MKI67: variants seen among roughly 807,000 people sequenced by gnomAD.
MKI67 encodes marker of proliferation Ki-67, also known as proliferation marker protein Ki-67.
MKI67 carries 152 observed loss-of-function variants against 233.5 expected under a neutral mutation model. That is an observed-to-expected ratio of 0.65 (90% CI 0.57 to 0.74). MKI67 has a LOEUF of 0.74. Ranked by LOEUF, MKI67 falls within the 30% of genes least tolerant of loss-of-function variation. The probability of loss-of-function intolerance (pLI) is 0.00; values close to 1 mark genes in which losing one functional copy is unlikely to be tolerated. For synonymous variants in MKI67, 1,465 were observed against 1,418.5 expected, an observed-to-expected ratio of 1.03 and a Z score of -0.74; for missense variants, 3,940 against 3,885.2, an observed-to-expected ratio of 1.01 and a Z score of -0.37.
In MKI67 at chr10:128,101,365, G is replaced by A. The variant is rs16912247; in HGVS notation, c.9598C>T (p.Leu3200=). ...GEAGNSDSMC[L]RSRKTKSQPA... Reference sequence around the variant, plus strand: ...TGGCTTTTTGTCTTTCTTGATCTCAGGCACATGGAGTCTGAATTTCCTGCT... The same window carrying A: ...TGGCTTTTTGTCTTTCTTGATCTCAAGCACATGGAGTCTGAATTTCCTGCT... Residue 3200 remains leucine, a synonymous_variant, in exon 14 of 15, where the codon CTG becomes TTG. Coordinates refer to ENST00000368654, the MANE Select transcript of MKI67 (RefSeq NM_002417.5). The A allele has an allele frequency of 0.087, 139,983 of 1,614,082 alleles. 6,784 individuals carry two copies. The highest frequency in any genetic ancestry group is 0.1 in the Non-Finnish European group (117,991 of 1,180,008).
At position 128,106,425 on chromosome 10, in the gene MKI67, T is replaced by C. The variant is rs1428196375; in HGVS notation, c.5415A>G (p.Lys1805=). ...CAGGTAAATTTCCTGGCTGGTCCAG[T>C]TTCTGCACTGGAGTTCCCAAAAACG... The part of the protein sequence containing the change: ...INTFLGTPVQ[K]LDQPGNLPGS... The change falls in exon 13 of 15, where the codon AAA becomes AAG. Residue 1805 remains lysine, a synonymous_variant. Transcript: ENST00000368654. 6.2e-7 allele frequency: 1 copy of C among 1,613,528 alleles called. No individual in the cohort carries two copies. Among genetic ancestry groups the C allele is most frequent in the East Asian group, 2.2e-5 (1 of 44,830 alleles).
chr10:128,116,428 C>T, intron 6 of MKI67, 63 bp downstream of exon 6: 4 of 1,452,996 alleles, frequency 2.8e-6, no homozygotes, highest in Non-Finnish European at 3.9e-6. Context: ...CCCTTCTTTG[C>T]CAATATGCTT....
In MKI67 at chr10:128,104,675, T is replaced by C; in HGVS notation, c.7165A>G (p.Thr2389Ala). ...TCATCACTTACTGCTGGTTTTGGTG[T>C]GTCCATGGCTTTGCCTGCTGATGGT... ...RTPSAGKAMDTPKPAVSDEKN... is the reference protein window; with the variant it reads ...RTPSAGKAMDAPKPAVSDEKN... Residue 2389 changes from threonine (T) to alanine (A), a missense_variant, in exon 13 of 15, where the codon ACA becomes GCA. Coordinates refer to ENST00000368654, the MANE Select transcript of MKI67 (RefSeq NM_002417.5). 3.7e-6 allele frequency: 6 copies of C among 1,614,032 alleles called. No homozygotes were observed. The highest frequency in any genetic ancestry group is 5.1e-6 in the Non-Finnish European group (6 of 1,180,022).
At chr10:128,109,521 G>T in intron 12 of MKI67, 98 bp from the exon 13 acceptor site, 1 of 1,337,876 alleles carries the variant, frequency 7.5e-7, no homozygotes, top group Non-Finnish European at 1.0e-6. Context: ...TAAATATTTA[G>T]CTTCGTATTC....
chr10:128,115,432 C>A lies in MKI67; in HGVS notation c.976G>T (p.Val326Phe), dbSNP rs760264031. ...CCCACAGCCTTGCTGGGAGTCTGAA[C>A]AGACTCCACGTCTCTTCCCTTCCCC... ...NKGKGRDVES[V>F]QTPSKAVGAS... The change falls in exon 7 of 15, where the codon GTT (valine) becomes TTT (phenylalanine). Residue 326 changes from valine (V) to phenylalanine (F), a missense_variant. Transcript: ENST00000368654. 1 of 1,613,984 alleles carries A rather than the reference C, an allele frequency of 6.2e-7. No homozygotes were observed. Among genetic ancestry groups the A allele is most frequent in the South Asian group, 1.1e-5 (1 of 91,058 alleles).
Position 128,115,145 on chromosome 10 carries a change from T to C in MKI67, c.1263A>G (p.Lys421=), listed in dbSNP as rs1401181244. The part of the protein sequence containing the change: ...SATKPENLSS[K]TRGSIPTDVE... ...CATCTGTAGGAATACTTCCTCTGGT[T>C]TTGGAAGAGAGATTTTCTGGCTTAG... The change falls in exon 7 of 15, where the codon AAA becomes AAG. Residue 421 remains lysine, a synonymous_variant. Transcript: ENST00000368654. 1.2e-6 allele frequency: 2 copies of C among 1,614,222 alleles called. No individual in the cohort carries two copies. Among genetic ancestry groups the C allele is most frequent in the East Asian group, 4.5e-5 (2 of 44,886 alleles).
In MKI67 at chr10:128,111,687, A is replaced by G; in HGVS notation, c.2218T>C (p.Phe740Leu). 1 of 1,613,430 alleles carries G rather than the reference A, an allele frequency of 6.2e-7. No individual in the cohort carries two copies. Among genetic ancestry groups the G allele is most frequent in the Non-Finnish European group, 8.5e-7 (1 of 1,179,846 alleles). ...AAGTCCATTTTTTGGTTGGAAATGA[A>G]GTTGTTGAGCACTCTGTAGGGTCGA... Reference protein sequence around the residue: ...PARPYRVLNNFISNQKMDFKE... With the variant: ...PARPYRVLNNLISNQKMDFKE... Residue 740 changes from phenylalanine to leucine, a missense_variant, in exon 11 of 15, where the codon TTC becomes CTC. Physicochemically the swap from Phe to Leu is conservative, Grantham distance 22. Coordinates refer to ENST00000368654, the MANE Select transcript of MKI67 (RefSeq NM_002417.5).
At position 128,108,232 on chromosome 10, in the gene MKI67, G is replaced by C; in HGVS notation, c.3608C>G (p.Thr1203Ser). ...TPVQKLDLAG[T>S]LPGSKRQLQT... Reference sequence around the variant, plus strand: ...TAGCTGTCTTTTGCTGCCAGGTAAAGTTCCTGCCAGGTCCAGTTTCTGCAC... The same window carrying C: ...TAGCTGTCTTTTGCTGCCAGGTAAACTTCCTGCCAGGTCCAGTTTCTGCAC... Residue 1203 changes from threonine to serine, a missense_variant, in exon 13 of 15, where the codon ACT becomes AGT. By Grantham distance (58) the Thr-to-Ser change is moderately conservative (BLOSUM62 1). Transcript: ENST00000368654. 6.2e-7 allele frequency: 1 copy of C among 1,609,912 alleles called. No homozygotes were observed. Among genetic ancestry groups the C allele is most frequent in the East Asian group, 2.2e-5 (1 of 44,540 alleles).
chr10:128,108,957 C>T lies in MKI67; in HGVS notation c.2883G>A (p.Met961Ile), dbSNP rs1565007673. Residue 961 changes from methionine (M) to isoleucine (I), a missense_variant, in exon 13 of 15, where the codon ATG becomes ATA. Met to Ile is a conservative substitution (Grantham distance 10, BLOSUM62 1). Coordinates refer to ENST00000368654, the MANE Select transcript of MKI67 (RefSeq NM_002417.5). ...AGCTCTTGAGGTCTGTCAGGTCAGA[C>T]ATTGGTGCACATTTCTGCCCCCAAG... is the stretch of plus-strand genomic sequence containing the variant. ...SRTWGQKCAP[M>I]SDLTDLKSLP... 2 of 1,614,236 alleles carry T rather than the reference C, an allele frequency of 1.2e-6. No individual in the cohort carries two copies. The highest frequency in any genetic ancestry group is 1.6e-4 in the Middle Eastern group (1 of 6,062).
intron 4 of MKI67, among the ~76,000 whole-genome samples, chr10:128,119,976 A>G (rs1385862267): frequency 6.6e-6 from 1 of 152,212 alleles, no homozygotes; most frequent in African/African-American, 2.4e-5. Context: ...TTTTGGCCTC[A>G]GTGAAATGAC....
chr10:128,106,323 G>A lies in MKI67; in HGVS notation c.5517C>T (p.Phe1839=). ...TGGGGTTATCAGTGCATGGTGTCTG[G>A]AAAAGCTCTCTGAAGCCAGTCAGTT... The part of the protein sequence containing the change: ...LEELTGFREL[F]QTPCTDNPTT... The change falls in exon 13 of 15, where the codon TTC becomes TTT. Residue 1839 remains phenylalanine, a synonymous_variant. Transcript: ENST00000368654. The A allele has an allele frequency of 6.2e-7, 1 of 1,613,570 alleles. No homozygotes were observed. Among genetic ancestry groups the A allele is most frequent in the Non-Finnish European group, 8.5e-7 (1 of 1,179,952 alleles).
chr10:128,110,770 C>T (rs1852657916), intron 11 of MKI67, among the ~76,000 whole-genome samples: 1 of 152,166 alleles, frequency 6.6e-6, no homozygotes, highest in African/African-American at 2.4e-5. Flanking sequence ...GGAAAGGAAA[C>T]AAATGAAGTT....
At chr10:128,112,562 G>T (rs1264672618) in intron 8 of MKI67, 117 bp from the exon 9 acceptor site, 9 of 986,286 alleles carry the variant, frequency 9.1e-6, no homozygotes, top group Non-Finnish European at 1.4e-5. Context: ...AGCATCAAAT[G>T]CTTAAGCCAC....
At position 128,107,542 on chromosome 10, in the gene MKI67, G is replaced by T; in HGVS notation, c.4298C>A (p.Ala1433Glu). Reference sequence around the variant, plus strand: ...TTTCTGTTTTGCAGTTTCCCTAAACGCGTTGATGCTTTTATCCTCACCTCC... The same window carrying T: ...TTTCTGTTTTGCAGTTTCCCTAAACTCGTTGATGCTTTTATCCTCACCTCC... Reference protein sequence around the residue: ...VPGGEDKSINAFRETAKQKLD... With the variant: ...VPGGEDKSINEFRETAKQKLD... The change falls in exon 13 of 15, where the codon GCG (alanine) becomes GAG (glutamate). Residue 1433 changes from alanine to glutamate, a missense_variant. Physicochemically the swap from Ala to Glu is moderately radical, Grantham distance 107. Transcript: ENST00000368654. The T allele has an allele frequency of 6.2e-7, 1 of 1,614,018 alleles. No individual in the cohort carries two copies. Among genetic ancestry groups the T allele is most frequent in the Non-Finnish European group, 8.5e-7 (1 of 1,180,022 alleles).
At position 128,105,232 on chromosome 10, in the gene MKI67, G is replaced by A; in HGVS notation, c.6608C>T (p.Thr2203Ile). 6.2e-7 allele frequency: 1 copy of A among 1,614,144 alleles called. No homozygotes were observed. The highest frequency in any genetic ancestry group is 8.5e-7 in the Non-Finnish European group (1 of 1,180,012). Residue 2203 changes from threonine to isoleucine, a missense_variant, in exon 13 of 15, where the codon ACA becomes ATA. Coordinates refer to ENST00000368654, the MANE Select transcript of MKI67 (RefSeq NM_002417.5). ...DLAGLKELFQ[T>I]PICTDKPTTH... ...CGTGGGCTTGTCAGTGCATATTGGT[G>A]TCTGGAAGAGCTCTTTCAAGCCAGC...
Position 128,099,146 on chromosome 10 carries a change from C to A in MKI67, c.*44G>T, listed in dbSNP as rs963349230. The A allele has an allele frequency of 1.3e-6, 2 of 1,500,684 alleles. No homozygotes were observed. Among genetic ancestry groups the A allele is most frequent in the African/African-American group, 2.8e-5 (2 of 72,166 alleles). 93.0% of individuals were successfully genotyped at this position (1,500,684 alleles called of 1,614,324 possible). A position where few individuals can be genotyped will look rare whatever the true frequency, so the allele number is the denominator to read the frequency against. ...TGACAAAAACTGCACTAGAACTTAT[C>A]ACAAAACTAACTTTATTATATTTTT... On this transcript the variant is annotated 3_prime_UTR_variant, in exon 15 of 15. Coordinates refer to ENST00000368654, the MANE Select transcript of MKI67 (RefSeq NM_002417.5).
rs1290456810 is a variant in MKI67 at position 128,109,250 on chromosome 10, C to G, written c.2590G>C (p.Glu864Gln). ...LETKTSDTETEPSKTVSTANR... is the reference protein window; with the variant it reads ...LETKTSDTETQPSKTVSTANR... ...GCAGTGGATACTGTTTTTGAAGGCT[C>G]TGTCTCAGTATCTGAAGTTTTTGTC... The change falls in exon 13 of 15, where the codon GAG (glutamate) becomes CAG (glutamine). Residue 864 changes from glutamate to glutamine, a missense_variant. Physicochemically the swap from Glu to Gln is conservative, Grantham distance 29. Transcript: ENST00000368654. 110 of 1,614,154 alleles carry G rather than the reference C, an allele frequency of 6.8e-5. No individual in the cohort carries two copies. Among genetic ancestry groups the G allele is most frequent in the Non-Finnish European group, 8.8e-5 (104 of 1,180,022 alleles).
intron 7 of MKI67, 96 bp downstream of exon 7, chr10:128,114,832 C>T: frequency 7.9e-7 from 1 of 1,258,378 alleles, no homozygotes; most frequent in Non-Finnish European, 1.1e-6. Flanking sequence ...CATTCTCTTC[C>T]ACAAAGCTAA....
intron 11 of MKI67, among the ~76,000 whole-genome samples, chr10:128,111,098 G>A (rs1404255761): frequency 1.3e-5 from 2 of 152,158 alleles, no homozygotes; most frequent in East Asian, 1.9e-4. Context: ...GATTACAGGC[G>A]TGAGCCACTG....
Sources: gnomAD v4.1 joint callset for allele counts (sites outside exome capture counted in the v4.1 genomes callset) on GRCh38, gnomAD v4.1.1 for gene constraint, MANE v1.5 for transcripts, NCBI Gene and HGNC (gene_info 2026-07-23, HGNC 2026-07-21) for gene names.